Variants in AGTPBP1 observed in about 807,000 individuals in gnomAD.
The protein encoded by AGTPBP1 is ATP/GTP binding carboxypeptidase 1, also known as cytosolic carboxypeptidase 1.
Under a neutral mutation model 143.9 loss-of-function variants are expected in AGTPBP1, and 70 were observed. The observed-to-expected ratio is 0.49, with a 90% confidence interval of 0.40 to 0.59. The LOEUF is 0.59. AGTPBP1 is among the 20% of genes least tolerant of loss of function. The probability of loss-of-function intolerance (pLI) is 0.00; values close to 1 mark genes in which losing one functional copy is unlikely to be tolerated. For synonymous variants in AGTPBP1, 463 were observed against 500.2 expected, an observed-to-expected ratio of 0.93 and a Z score of 0.99; for missense variants, 1,229 against 1,464.5, an observed-to-expected ratio of 0.84 and a Z score of 2.62.
intron 25 of AGTPBP1, among the ~76,000 whole-genome samples, chr9:85,561,925 C>A (rs1216808406): frequency 1.3e-5 from 2 of 151,334 alleles, no homozygotes; most frequent in African/African-American, 4.9e-5. Context: ...TTCCGCCTCC[C>A]GGGTTCAAGC....
chr9:85,550,327 C>T (rs1214217454), intron 25 of AGTPBP1, among the ~76,000 whole-genome samples: 1 of 152,108 alleles, frequency 6.6e-6, no homozygotes, highest in Non-Finnish European at 1.5e-5. Context: ...AGCATTCAGA[C>T]TGCTATTCCA....
At chr9:85,792,101 A>C in the AGTPBP1 span, 1 of 152,220 alleles carries the variant, frequency 6.6e-6, no homozygotes, top group African/African-American at 2.4e-5. Flanking sequence ...CCCTCTGCTA[A>C]AATGTCCCTG....
chr9:85,660,307 GC>G (rs879659034), intron 9 of AGTPBP1, among the ~76,000 whole-genome samples: 20 of 151,816 alleles, frequency 1.3e-4, no homozygotes, highest in Non-Finnish European at 2.6e-4. Context: ...GACCCCTGAA[GC>G]CCCCCAAAAA....
the AGTPBP1 span, among the ~76,000 whole-genome samples, chr9:85,804,912 C>T: frequency 2.0e-5 from 3 of 152,204 alleles, no homozygotes; most frequent in Non-Finnish European, 4.4e-5. Context: ...ACCCAAGCTA[C>T]CAGGTCCCAC....
chr9:85,552,485 A>C (rs1166298427), intron 25 of AGTPBP1, among the ~76,000 whole-genome samples: 1 of 152,200 alleles, frequency 6.6e-6, no homozygotes, highest in Non-Finnish European at 1.5e-5. Context: ...GCATGATGAA[A>C]GCAAAACACT....
the AGTPBP1 span, among the ~76,000 whole-genome samples, chr9:85,792,896 A>G: frequency 6.6e-6 from 1 of 152,236 alleles, no homozygotes; most frequent in Non-Finnish European, 1.5e-5. Context: ...TTTGGCACAC[A>G]TGGTTGTTTA....
At chr9:85,795,956 G>A in the AGTPBP1 span, among the ~76,000 whole-genome samples, 9 of 145,262 alleles carry the variant, frequency 6.2e-5, no homozygotes, top group African/African-American at 2.3e-4. Flanking sequence ...ACCTTGGAAC[G>A]ATAAGAGATG....
chr9:85,586,948 A>G lies in AGTPBP1; in HGVS notation c.2916T>C (p.Ser972=), dbSNP rs77347683. 2.2e-3 allele frequency: 3,610 copies of G among 1,613,900 alleles called. 44 individuals are homozygous for G. In the East Asian group the frequency reaches 0.038, roughly 17 times the overall value. Residue 972 remains serine, a synonymous_variant, in exon 22 of 26, where the codon TCT becomes TCC. Coordinates refer to ENST00000357081, the MANE Select transcript of AGTPBP1 (RefSeq NM_001330701.2). The part of the protein sequence containing the change: ...DGVINGNHRC[S]LSGEDLNRQW... ...GCCTATTCAAATCCTCTCCACTTAA[A>G]GAACAGCGATGACTACATGTACATA... is the stretch of plus-strand genomic sequence containing the variant.
chr9:85,697,601 C>A (rs180965768), intron 2 of AGTPBP1, among the ~76,000 whole-genome samples: 60 of 151,336 alleles, frequency 4.0e-4, no homozygotes, highest in African/African-American at 1.5e-3. Flanking sequence ...TACAGGCACC[C>A]ACCACCACAC....
chr9:85,659,532 T>C (rs1415964158), intron 9 of AGTPBP1, among the ~76,000 whole-genome samples: 1 of 152,052 alleles, frequency 6.6e-6, no homozygotes, highest in Non-Finnish European at 1.5e-5. Context: ...GGAATAAACA[T>C]GTATGTTTGC....
chr9:85,701,217 T>C (rs1330234713), intron 2 of AGTPBP1, among the ~76,000 whole-genome samples: 1 of 151,402 alleles, frequency 6.6e-6, no homozygotes, highest in Non-Finnish European at 1.5e-5. Context: ...TGGCCTTTTT[T>C]TTTTTATTTT....
chr9:85,681,063 A>C (rs1835137542), intron 4 of AGTPBP1, among the ~76,000 whole-genome samples: 1 of 152,232 alleles, frequency 6.6e-6, no homozygotes, highest in Non-Finnish European at 1.5e-5. Context: ...TTATACCACC[A>C]TTCCAAATAG....
At chr9:85,555,381 C>T (rs1317362252) in intron 25 of AGTPBP1, among the ~76,000 whole-genome samples, 7 of 152,094 alleles carry the variant, frequency 4.6e-5, no homozygotes, top group African/African-American at 7.2e-5. Context: ...GGGTAGATCA[C>T]GAGGTCAGGA....
the AGTPBP1 span, among the ~76,000 whole-genome samples, chr9:85,774,571 C>T: frequency 6.6e-6 from 1 of 152,152 alleles, no homozygotes; most frequent in South Asian, 2.1e-4. Context: ...AGTTCACCAC[C>T]AACTCTGATA....
At chr9:85,707,030 G>GA (rs1837060098) in intron 2 of AGTPBP1, among the ~76,000 whole-genome samples, 3 of 150,910 alleles carry the variant, frequency 2.0e-5, no homozygotes, top group African/African-American at 7.3e-5. Flanking sequence ...TAAAAGAATA[G>GA]AAAAAATACA....
In AGTPBP1 at chr9:85,708,959, A is replaced by T. The variant is rs995033728; in HGVS notation, c.32+3543T>A. On this transcript the variant is annotated intron_variant, in intron 2 of 25. Transcript: ENST00000357081. Reference sequence around the variant, plus strand: ...ATATACAAACTCTTCCAAAAAACTGAAAAGGAGGAAATACTTCCTGATTCC... The same window carrying T: ...ATATACAAACTCTTCCAAAAAACTGTAAAGGAGGAAATACTTCCTGATTCC... Among the ~76,000 whole-genome samples, 5 of 152,228 alleles carry T rather than the reference A, an allele frequency of 3.3e-5. No individual in the cohort carries two copies. The South Asian group carries it at 1.0e-3, about 32-fold the overall frequency.
chr9:85,758,579 C>T, the AGTPBP1 span, among the ~76,000 whole-genome samples: 1 of 152,116 alleles, frequency 6.6e-6, no homozygotes, highest in South Asian at 2.1e-4. Context: ...GAGAGGCAGA[C>T]GTTGCAGTGA....
At chr9:85,629,039 G>A (rs910093013) in intron 14 of AGTPBP1, among the ~76,000 whole-genome samples, 1 of 152,080 alleles carries the variant, frequency 6.6e-6, no homozygotes, top group African/African-American at 2.4e-5. Flanking sequence ...GAATTTCCAG[G>A]TTTTTTGTGT....
the AGTPBP1 span, among the ~76,000 whole-genome samples, chr9:85,777,508 G>T: frequency 6.6e-6 from 1 of 152,192 alleles, no homozygotes; most frequent in Non-Finnish European, 1.5e-5. Context: ...TGCCACCATG[G>T]CCACTTTGTT....
Sources: gnomAD v4.1 joint callset for allele counts (sites outside exome capture counted in the v4.1 genomes callset) on GRCh38, gnomAD v4.1.1 for gene constraint, MANE v1.5 for transcripts, NCBI Gene and HGNC (gene_info 2026-07-23, HGNC 2026-07-21) for gene names.